POU2F2: variants seen among roughly 807,000 people sequenced by gnomAD.
The protein encoded by POU2F2 is POU class 2 homeobox 2, also known as POU domain, class 2, transcription factor 2.
Under a neutral mutation model 63.5 loss-of-function variants are expected in POU2F2, and 14 were observed. That is an observed-to-expected ratio of 0.22 (90% confidence interval 0.15 to 0.34). The LOEUF (loss-of-function observed/expected upper bound fraction) is 0.34, where lower values mean the gene tolerates loss of function less well. Among genes scored for constraint, POU2F2 ranks in the 10% least tolerant of loss-of-function variants. The pLI, the probability that POU2F2 is intolerant of heterozygous loss-of-function variation, is 1.00. For missense variants in POU2F2, 607 were observed against 815.2 expected, an observed-to-expected ratio of 0.74 and a Z score of 3.11; for synonymous variants, 306 against 348.6, an observed-to-expected ratio of 0.88 and a Z score of 1.36.
At chr19:42,105,999 TTTTCTTTCTTTCTTTCTTTCTTTC>T (rs56400477) in intron 5 of POU2F2, among the ~76,000 whole-genome samples, 411 of 132,322 alleles carry the variant, frequency 3.1e-3, no homozygotes, top group African/African-American at 0.011. Context: ...GATCTTTCTT[TTTTCTTTCTTTCTTTCTTTCTTTC>T]TTTCTTTCTT....
chr19:42,188,417 T>C (rs1379833642), intron 1 of POU2F2, among the ~76,000 whole-genome samples: 1 of 150,156 alleles, frequency 6.7e-6, no homozygotes, highest in Admixed American at 6.6e-5. Context: ...ACGCCTGTAA[T>C]CCCAACACTT....
At chr19:42,182,867 C>A (rs190947203) in intron 1 of POU2F2, among the ~76,000 whole-genome samples, 2 of 152,226 alleles carry the variant, frequency 1.3e-5, no homozygotes, top group East Asian at 3.9e-4. Flanking sequence ...GGTGTGGAGA[C>A]TTCCAAAGAC....
chr19:42,137,469 C>A (rs988339078), upstream of POU2F2, among the ~76,000 whole-genome samples: 1 of 152,134 alleles, frequency 6.6e-6, no homozygotes, highest in African/African-American at 2.4e-5. Flanking sequence ...CACCTGTAAT[C>A]CTGGCGCTTT....
chr19:42,149,867 G>C (rs1294108084), intron 2 of POU2F2, among the ~76,000 whole-genome samples: 1 of 152,188 alleles, frequency 6.6e-6, no homozygotes, highest in Admixed American at 6.5e-5. Context: ...AGCTGAGACT[G>C]ACACATGGGA....
Position 42,117,099 on chromosome 19 carries a change from G to A in POU2F2, c.369+151C>T, listed in dbSNP as rs1403894809. ...GTTAGTGCCTAAGCCAAGCAAGTAA[G>A]GGGACAAGACCTCCTAGAGGACAGA... On this transcript the variant is annotated intron_variant, in intron 5 of 14. Transcript: ENST00000692977. This position sits in a 1 kb window ranked among gnomAD's most constrained non-coding sequence, Gnocchi z 4.4. The A allele has an allele frequency of 2.8e-6, 2 of 707,728 alleles. No homozygotes were observed. Among genetic ancestry groups the A allele is most frequent in the Admixed American group, 4.9e-5 (2 of 41,128 alleles). 43.8% of individuals were successfully genotyped at this position (707,728 alleles called of 1,614,324 possible).
chr19:42,186,885 A>C (rs937192442), intron 1 of POU2F2, among the ~76,000 whole-genome samples: 14 of 152,000 alleles, frequency 9.2e-5, no homozygotes, highest in Non-Finnish European at 1.6e-4. Flanking sequence ...AAATAGGAGG[A>C]GGCACAGAAC....
chr19:42,093,009 A>ATTTTTT (rs1201422267), intron 12 of POU2F2, among the ~76,000 whole-genome samples: 9 of 47,200 alleles, frequency 1.9e-4, no homozygotes, highest in African/African-American at 5.5e-4. Flanking sequence ...ATATATATAT[A>ATTTTTT]TTTTTTTTTT....
At chr19:42,097,136 A>C (rs1207508310) in intron 7 of POU2F2, among the ~76,000 whole-genome samples, 2 of 151,332 alleles carry the variant, frequency 1.3e-5, no homozygotes, top group African/African-American at 4.9e-5. Context: ...TTTGTCGCTC[A>C]GGTCCTTTAT....
intron 5 of POU2F2, among the ~76,000 whole-genome samples, chr19:42,108,138 G>T (rs2030431954): frequency 6.6e-6 from 1 of 152,100 alleles, no homozygotes; most frequent in Admixed American, 6.5e-5. Flanking sequence ...TTCCTTCATA[G>T]CAATTATCTG....
chr19:42,130,196 C>T (rs960937167), intron 1 of POU2F2, among the ~76,000 whole-genome samples: 4 of 152,134 alleles, frequency 2.6e-5, no homozygotes, highest in African/African-American at 9.7e-5. Flanking sequence ...CACTCACAGA[C>T]TCAGACATGT....
Position 42,160,393 on chromosome 19 carries a change from C to G in POU2F2, c.-69-1G>C, listed in dbSNP as rs1030968390. On this transcript the variant is annotated splice_acceptor_variant, in intron 1 of 6. Coordinates refer to the POU2F2 transcript ENST00000524801. LOFTEE classifies it low-confidence loss of function (5UTR_SPLICE). ...CCACCAACCCGGTCCAGTCGAGAAC[C>G]TGGAGAGAGAGGAGAATGCAGTCAA... 2.6e-5 allele frequency: 4 copies of G among 152,254 alleles called. No homozygotes were observed. The highest frequency in any genetic ancestry group is 9.7e-5 in the African/African-American group (4 of 41,438). 9.4% of individuals were successfully genotyped at this position (152,254 alleles called of 1,614,324 possible).
Position 42,169,182 on chromosome 19 carries a change from A to G in POU2F2, c.-70+6781T>C, listed in dbSNP as rs2034708431. On this transcript the variant is annotated intron_variant, in intron 1 of 6. Transcript: ENST00000524801. The surrounding 1 kb of genome is among the most constrained non-coding windows in gnomAD (Gnocchi z 4.3). ...CTAGCCTGGGGGGTGTTTGTGTGCT[A>G]TAACTCAGGGCATGGCCCTTTCGGT... Among the ~76,000 whole-genome samples, 1 of 152,226 alleles carries G rather than the reference A, an allele frequency of 6.6e-6. No individual in the cohort carries two copies. Among genetic ancestry groups the G allele is most frequent in the African/African-American group, 2.4e-5 (1 of 41,450 alleles).
At chr19:42,127,812 AC>A (rs2033346542) in intron 1 of POU2F2, among the ~76,000 whole-genome samples, 1 of 151,898 alleles carries the variant, frequency 6.6e-6, no homozygotes, top group Admixed American at 6.6e-5. Context: ...GCCGGGCCCC[AC>A]TATGTCTCCC....
chr19:42,174,576 A>C, intron 1 of POU2F2, among the ~76,000 whole-genome samples: 1 of 150,248 alleles, frequency 6.7e-6, no homozygotes, highest in African/African-American at 2.5e-5. Context: ...CCAACCCCCC[A>C]CTGAAAACAC....
At chr19:42,167,838 G>T (rs936590182) in intron 1 of POU2F2, among the ~76,000 whole-genome samples, 6 of 152,152 alleles carry the variant, frequency 3.9e-5, no homozygotes, top group African/African-American at 1.4e-4. Context: ...CATTCTCCAA[G>T]AACAAGCCCA....
chr19:42,113,318 C>T (rs1292302379), intron 5 of POU2F2, among the ~76,000 whole-genome samples: 4 of 152,234 alleles, frequency 2.6e-5, no homozygotes, highest in African/African-American at 9.6e-5. Flanking sequence ...TGAAAATCTG[C>T]CGCAAAACAT....
At chr19:42,136,350 A>T (rs999707398), upstream of POU2F2, among the ~76,000 whole-genome samples, 4 of 151,550 alleles carry the variant, frequency 2.6e-5, no homozygotes, top group East Asian at 5.9e-4. Flanking sequence ...ACATCCAGCT[A>T]GTTTTGTATT....
upstream of POU2F2, among the ~76,000 whole-genome samples, chr19:42,177,954 G>A (rs1215719587): frequency 5.9e-5 from 9 of 151,928 alleles, no homozygotes; most frequent in East Asian, 9.7e-4. Flanking sequence ...GGGACACACA[G>A]AAAAGAGACA....
intron 5 of POU2F2, among the ~76,000 whole-genome samples, chr19:42,108,543 C>A (rs2030523322): frequency 6.6e-6 from 1 of 152,018 alleles, no homozygotes. Flanking sequence ...CCACTGCACT[C>A]CAGCTTGGGT....
Sources: allele counts gnomAD v4.1 joint callset (sites outside exome capture counted in the v4.1 genomes callset), GRCh38; gene constraint gnomAD v4.1.1; non-coding constraint Gnocchi (gnomAD v3.1); transcripts MANE v1.5; gene names NCBI Gene and HGNC (gene_info 2026-07-23, HGNC 2026-07-21).